Variants in KCNH7 observed in about 807,000 individuals in gnomAD.
The protein encoded by KCNH7 is potassium voltage-gated channel subfamily H member 7.
In KCNH7, 49 loss-of-function variants were observed where a neutral mutation model predicts 120.8. That is an observed-to-expected ratio of 0.41 (90% CI 0.32 to 0.51). The LOEUF is 0.51. KCNH7 is among the 20% of genes least tolerant of loss of function. The probability of loss-of-function intolerance (pLI) is 0.38; values close to 1 mark genes in which losing one functional copy is unlikely to be tolerated. For missense variants in KCNH7, 1,097 were observed against 1,446.6 expected (o/e 0.76, Z 3.92); for synonymous variants, 547 against 516.1 (o/e 1.06, Z -0.81).
chr2:162,407,338 CAG>C (rs1687259328), intron 9 of KCNH7, among the ~76,000 whole-genome samples: 1 of 151,948 alleles, frequency 6.6e-6, no homozygotes, highest in African/African-American at 2.4e-5. Context: ...AAAAATGAAA[CAG>C]AATTATCCTT....
chr2:162,748,522 T>C (rs1559113644), intron 2 of KCNH7, among the ~76,000 whole-genome samples: 1 of 152,168 alleles, frequency 6.6e-6, no homozygotes, highest in Non-Finnish European at 1.5e-5. Flanking sequence ...AAAGATGAAA[T>C]GAAAATAGAA....
chr2:162,694,812 C>T lies in KCNH7; in HGVS notation c.307+141725G>A, dbSNP rs935415855. ...AGGCTGGAGTGCAGTGGCGTGATCT[C>T]GGGTCACTGAAACCTCTGCCTTCTG... On this transcript the variant is annotated intron_variant, in intron 2 of 15. Coordinates refer to ENST00000332142, the MANE Select transcript of KCNH7 (RefSeq NM_033272.4). Among the ~76,000 whole-genome samples, 3 of 151,576 alleles carry T rather than the reference C, an allele frequency of 2.0e-5. 1 individual carries two copies. The highest frequency in any genetic ancestry group is 4.2e-4 in the South Asian group (2 of 4,812).
chr2:162,602,625 ACT>A (rs1046125154), intron 2 of KCNH7, among the ~76,000 whole-genome samples: 6 of 151,820 alleles, frequency 4.0e-5, no homozygotes, highest in Non-Finnish European at 8.8e-5. Flanking sequence ...CTCTGCTAAC[ACT>A]CTGTTTTTCA....
At chr2:162,822,815 C>G (rs1164987609) in intron 2 of KCNH7, among the ~76,000 whole-genome samples, 1 of 152,176 alleles carries the variant, frequency 6.6e-6, no homozygotes, top group Non-Finnish European at 1.5e-5. Flanking sequence ...ATGGGAAACA[C>G]AGGTATTATA....
intron 3 of KCNH7, among the ~76,000 whole-genome samples, chr2:162,526,239 T>C (rs1439727775): frequency 6.6e-6 from 1 of 151,674 alleles, no homozygotes; most frequent in Non-Finnish European, 1.5e-5. Flanking sequence ...TAATAAGATA[T>C]CACAAGGCAA....
At chr2:162,599,865 C>T (rs1694495827) in intron 2 of KCNH7, among the ~76,000 whole-genome samples, 1 of 150,972 alleles carries the variant, frequency 6.6e-6, no homozygotes, top group Non-Finnish European at 1.5e-5. Flanking sequence ...GCCATGTCAA[C>T]CAAAGTACAG....
intron 2 of KCNH7, among the ~76,000 whole-genome samples, chr2:162,667,874 T>C (rs1335257522): frequency 6.6e-6 from 1 of 152,224 alleles, no homozygotes. Context: ...AATTCTGTTC[T>C]GTCACATGAT....
At chr2:162,538,588 A>T (rs1374337598) in intron 2 of KCNH7, among the ~76,000 whole-genome samples, 1 of 152,030 alleles carries the variant, frequency 6.6e-6, no homozygotes, top group African/African-American at 2.4e-5. Context: ...AGATGCAAGT[A>T]TCCCAAATGG....
intron 2 of KCNH7, among the ~76,000 whole-genome samples, chr2:162,694,875 C>G (rs946500289): frequency 6.6e-6 from 1 of 152,010 alleles, no homozygotes; most frequent in Non-Finnish European, 1.5e-5. Context: ...TCCTGAGTAG[C>G]TGGGACCACA....
At chr2:162,477,701 T>A (rs1175322354) in intron 6 of KCNH7, among the ~76,000 whole-genome samples, 1 of 152,220 alleles carries the variant, frequency 6.6e-6, no homozygotes, top group East Asian at 1.9e-4. Flanking sequence ...ACTATTCCCC[T>A]CTTAAAAGCC....
chr2:162,421,355 G>A lies in KCNH7; in HGVS notation c.2154+1981C>T, dbSNP rs543804588. ...TTACCAGAGTCGGGATAGGGGCAGA[G>A]AAGTGAATTTTTATGGGGACTGGGA... On this transcript the variant is annotated intron_variant, in intron 9 of 15. Coordinates refer to ENST00000332142, the MANE Select transcript of KCNH7 (RefSeq NM_033272.4). 2.8e-4 allele frequency among the ~76,000 whole-genome samples: 42 copies of A among 152,290 alleles called. No homozygotes were observed. In the South Asian group the frequency reaches 8.7e-3, roughly 32 times the overall value.
chr2:162,635,601 A>G (rs1372838054), intron 2 of KCNH7, among the ~76,000 whole-genome samples: 2 of 151,992 alleles, frequency 1.3e-5, no homozygotes, highest in Admixed American at 6.6e-5. Context: ...CTGAATCACA[A>G]TTCCTGCTAA....
Position 162,750,036 on chromosome 2 carries a change from G to T in KCNH7, c.307+86501C>A, listed in dbSNP as rs190924146. On this transcript the variant is annotated intron_variant, in intron 2 of 15. Transcript: ENST00000332142. ...CTGGGGACTTAGATAGCCTAGGAAGGTTAATCAGATTAATTAAAAGGAATG... is the reference window on the plus strand; with the variant it reads ...CTGGGGACTTAGATAGCCTAGGAAGTTTAATCAGATTAATTAAAAGGAATG... Among the ~76,000 whole-genome samples, 935 of 152,244 alleles carry T rather than the reference G, an allele frequency of 6.1e-3. 9 individuals carry two copies. Among genetic ancestry groups the T allele is most frequent in the African/African-American group, 0.021 (870 of 41,556 alleles).
intron 2 of KCNH7, among the ~76,000 whole-genome samples, chr2:162,542,648 C>G (rs2105839783): frequency 6.6e-6 from 1 of 152,098 alleles, no homozygotes; most frequent in Admixed American, 6.5e-5. Flanking sequence ...TCCGGTCTGT[C>G]ATTGTTGGAC....
At chr2:162,589,815 G>A (rs1219557482) in intron 2 of KCNH7, among the ~76,000 whole-genome samples, 1 of 152,074 alleles carries the variant, frequency 6.6e-6, no homozygotes, top group Non-Finnish European at 1.5e-5. Context: ...AAAGTGACAA[G>A]TAATGATGAT....
Position 162,498,814 on chromosome 2 carries a change from G to A in KCNH7, c.1128+5629C>T, listed in dbSNP as rs928741695. 3.3e-5 allele frequency among the ~76,000 whole-genome samples: 5 copies of A among 152,058 alleles called. 1 individual carries two copies. Among genetic ancestry groups the A allele is most frequent in the Non-Finnish European group, 7.4e-5 (5 of 68,006 alleles). ...GAGTCTGAGGAACTTGCTGCTATTA[G>A]GTGGGGAGTGCAGTCAACACAGAAG... is the stretch of plus-strand genomic sequence containing the variant. On this transcript the variant is annotated intron_variant, in intron 6 of 15. Coordinates refer to ENST00000332142, the MANE Select transcript of KCNH7 (RefSeq NM_033272.4).
intron 2 of KCNH7, among the ~76,000 whole-genome samples, chr2:162,592,098 A>T (rs986904728): frequency 1.3e-5 from 2 of 152,076 alleles, no homozygotes; most frequent in Non-Finnish European, 2.9e-5. Context: ...AATTTAACAA[A>T]AATATAGGCA....
At chr2:162,606,754 A>T (rs1318295737) in intron 2 of KCNH7, among the ~76,000 whole-genome samples, 1 of 152,224 alleles carries the variant, frequency 6.6e-6, no homozygotes, top group Non-Finnish European at 1.5e-5. Context: ...CTTGAGAAGA[A>T]ATGTGACAAG....
intron 2 of KCNH7, among the ~76,000 whole-genome samples, chr2:162,682,566 T>C (rs77598613): frequency 0.011 from 1,631 of 151,976 alleles, 25 homozygotes; most frequent in African/African-American, 0.037. Flanking sequence ...GTGGCATTTA[T>C]TTATTTTTCA....
Sources: allele counts gnomAD v4.1 joint callset (sites outside exome capture counted in the v4.1 genomes callset), GRCh38; gene constraint gnomAD v4.1.1; transcripts MANE v1.5; gene names NCBI Gene and HGNC (gene_info 2026-07-23, HGNC 2026-07-21).